WDPCP: variants seen among roughly 807,000 people sequenced by gnomAD.
WDPCP encodes WD repeat-containing and planar cell polarity effector protein fritz homolog.
Under a neutral mutation model 93.1 loss-of-function variants are expected in WDPCP, and 71 were observed. The observed-to-expected ratio is 0.76, with a 90% CI of 0.63 to 0.93. The LOEUF is 0.93. Among genes scored for constraint, WDPCP ranks in the 40% least tolerant of loss-of-function variants. WDPCP has a pLI of 0.00. For synonymous variants in WDPCP, 315 were observed against 315.0 expected (o/e 1.00, Z 0.00); for missense variants, 844 against 887.4 (o/e 0.95, Z 0.62).
chr2:63,647,437 G>A (rs1363885839), intron 3 of WDPCP, among the ~76,000 whole-genome samples: 3 of 152,238 alleles, frequency 2.0e-5, no homozygotes, highest in East Asian at 3.9e-4. Context: ...CCCGGCCTAT[G>A]CATTTTCAAA....
intron 9 of WDPCP, among the ~76,000 whole-genome samples, chr2:63,414,486 C>CACACACACACACATATATAT (rs1318206835): frequency 6.6e-6 from 1 of 151,810 alleles, no homozygotes; most frequent in Non-Finnish European, 1.5e-5. Flanking sequence ...CACACACACA[C>CACACACACACACATATATAT]ACACACACAC....
intron 6 of WDPCP, among the ~76,000 whole-genome samples, chr2:63,449,014 C>T (rs2105615395): frequency 6.6e-6 from 1 of 151,952 alleles, no homozygotes; most frequent in Non-Finnish European, 1.5e-5. Flanking sequence ...CAAATGTACT[C>T]ACCACAAAAA....
chr2:63,681,962 T>C (rs1483465601), intron 2 of WDPCP, among the ~76,000 whole-genome samples: 1 of 151,540 alleles, frequency 6.6e-6, no homozygotes, highest in Non-Finnish European at 1.5e-5. Flanking sequence ...CAAGTCTGCA[T>C]GAACCACAGT....
chr2:63,830,469 T>C (rs1671175882), upstream of WDPCP, among the ~76,000 whole-genome samples: 1 of 152,166 alleles, frequency 6.6e-6, no homozygotes, highest in African/African-American at 2.4e-5. Flanking sequence ...TCTGTAGAAT[T>C]CTAGGTTAGA....
chr2:63,683,651 T>C (rs191359500), intron 2 of WDPCP, among the ~76,000 whole-genome samples: 2 of 152,052 alleles, frequency 1.3e-5, no homozygotes, highest in East Asian at 3.9e-4. Flanking sequence ...GAGATGGAGA[T>C]CAGCCTGGCC....
chr2:63,476,642 G>T (rs1375407954), intron 6 of WDPCP, among the ~76,000 whole-genome samples: 2 of 152,100 alleles, frequency 1.3e-5, no homozygotes, highest in Non-Finnish European at 1.5e-5. Context: ...TTTCTTTAGT[G>T]ACTCCCACAG....
chr2:63,308,468 C>T (rs1307151965), intron 13 of WDPCP, among the ~76,000 whole-genome samples: 1 of 152,140 alleles, frequency 6.6e-6, no homozygotes, highest in Non-Finnish European at 1.5e-5. Flanking sequence ...GCAGTATTCA[C>T]AATAGCAAAG....
In WDPCP at chr2:63,156,724, C is replaced by T. The variant is rs528183789; in HGVS notation, c.2079-3150G>A. 3.9e-5 allele frequency among the ~76,000 whole-genome samples: 6 copies of T among 152,120 alleles called. No individual in the cohort carries two copies. In the South Asian group the frequency reaches 1.0e-3, roughly 26 times the overall value. Reference sequence around the variant, plus strand: ...TTGCACTCTAGCCTGGGTGACAGAGCGAGACTCTGTCTCAAAAAAAAGAAA... The same window carrying T: ...TTGCACTCTAGCCTGGGTGACAGAGTGAGACTCTGTCTCAAAAAAAAGAAA... On this transcript the variant is annotated intron_variant, in intron 15 of 17. Transcript: ENST00000272321.
At chr2:63,830,722 T>C (rs975100027), upstream of WDPCP, among the ~76,000 whole-genome samples, 1 of 152,192 alleles carries the variant, frequency 6.6e-6, no homozygotes, top group African/African-American at 2.4e-5. Context: ...GCACACGTTA[T>C]CCTGGTTTTC....
intron 15 of WDPCP, among the ~76,000 whole-genome samples, chr2:63,166,251 G>A (rs1672965723): frequency 6.6e-6 from 1 of 151,866 alleles, no homozygotes; most frequent in African/African-American, 2.4e-5. Context: ...ATTTTTAGTA[G>A]AGACGGGGTT....
chr2:63,700,973 G>T (rs1377671929), intron 2 of WDPCP, among the ~76,000 whole-genome samples: 1 of 152,154 alleles, frequency 6.6e-6, no homozygotes, highest in Non-Finnish European at 1.5e-5. Flanking sequence ...AGAATTTTTG[G>T]TGTAAGACTT....
chr2:63,366,902 GTTAT>G (rs1188856511), intron 12 of WDPCP, among the ~76,000 whole-genome samples: 3 of 151,914 alleles, frequency 2.0e-5, no homozygotes, highest in African/African-American at 7.2e-5. Context: ...TATTGAGCAA[GTTAT>G]TTAATCTGTG....
At chr2:63,204,498 C>T (rs767374846) in intron 14 of WDPCP, among the ~76,000 whole-genome samples, 96 of 151,936 alleles carry the variant, frequency 6.3e-4, no homozygotes, top group Non-Finnish European at 8.8e-4. Flanking sequence ...CCTGCCACCA[C>T]GCCCGGATAA....
chr2:63,354,692 G>A (rs1689880264), intron 12 of WDPCP, among the ~76,000 whole-genome samples: 1 of 150,668 alleles, frequency 6.6e-6, no homozygotes, highest in African/African-American at 2.4e-5. Context: ...ACATATATGT[G>A]TGTGTATGTA....
chr2:63,658,166 A>G (rs1313748039), intron 2 of WDPCP, among the ~76,000 whole-genome samples: 1 of 152,026 alleles, frequency 6.6e-6, no homozygotes, highest in African/African-American at 2.4e-5. Context: ...TTCACATTAT[A>G]CCTTTGATTC....
rs61742563 is a variant in WDPCP, at chr2:63,622,260, G to A, written n.488+28399C>T. ...GGCCTTCTCTGTAGCTGCCAGTGCC[G>A]TCTCCTCTGCCTTCTCCTTGGCTTC... On this transcript the variant is annotated intron_variant and non_coding_transcript_variant, in intron 3 of 4. Coordinates refer to the WDPCP transcript ENST00000467687. 1.2e-3 allele frequency: 1,920 copies of A among 1,610,398 alleles called. 26 individuals carry two copies. In the African/African-American group the frequency reaches 0.022, roughly 18 times the overall value.
chr2:63,792,304 G>A (rs1670556837), intron 2 of WDPCP, among the ~76,000 whole-genome samples: 1 of 152,098 alleles, frequency 6.6e-6, no homozygotes, highest in Non-Finnish European at 1.5e-5. Context: ...GGCGAGAGAG[G>A]GCATGTGAAG....
intron 2 of WDPCP, among the ~76,000 whole-genome samples, chr2:63,809,134 C>G (rs555401538): frequency 2.7e-5 from 4 of 146,566 alleles, no homozygotes; most frequent in Non-Finnish European, 6.0e-5. Context: ...AGTGAGGAGC[C>G]CCTCCGCCCG....
At chr2:63,491,189 T>C (rs1235108239) in intron 2 of WDPCP, among the ~76,000 whole-genome samples, 1 of 152,216 alleles carries the variant, frequency 6.6e-6, no homozygotes, top group African/African-American at 2.4e-5. Context: ...TTAGTATTTT[T>C]CCTTAGGTCT....
Sources: gnomAD v4.1 joint callset for allele counts (sites outside exome capture counted in the v4.1 genomes callset) on GRCh38, gnomAD v4.1.1 for gene constraint, MANE v1.5 for transcripts, NCBI Gene and HGNC (gene_info 2026-07-23, HGNC 2026-07-21) for gene names.